KIF26B: variants seen among roughly 807,000 people sequenced by gnomAD.
The protein encoded by KIF26B is kinesin family member 26B, also known as kinesin-like protein KIF26B.
In KIF26B, 63 loss-of-function variants were observed where a neutral mutation model predicts 151.2. The ratio of observed to expected loss-of-function variants is 0.42; its 90% CI spans 0.34 to 0.51. The LOEUF (loss-of-function observed/expected upper bound fraction) is 0.51. Ranked by LOEUF, KIF26B falls within the 20% of genes least tolerant of loss-of-function variation. The probability of loss-of-function intolerance (pLI) is 0.07; values close to 1 mark genes in which losing one functional copy is unlikely to be tolerated. For synonymous variants in KIF26B, 1,357 were observed against 1,262.1 expected (o/e 1.08, Z -1.59); for missense variants, 2,813 against 2,913.6 (o/e 0.97, Z 0.79).
Position 245,686,757 on chromosome 1 carries a change from C to A in KIF26B, c.3774C>A (p.Pro1258=). ...VSEVSITQFL[P]LPKMSLDEKA... ...AGGTCAGCATCACACAGTTCTTGCCCCTCCCGAAGATGAGCCTGGATGAGA... is the reference window on the plus strand; with the variant it reads ...AGGTCAGCATCACACAGTTCTTGCCACTCCCGAAGATGAGCCTGGATGAGA... Residue 1258 remains proline (P), a synonymous_variant, in exon 12 of 15, where the codon CCC becomes CCA. Coordinates refer to ENST00000407071, the MANE Select transcript of KIF26B (RefSeq NM_018012.4). The surrounding 1 kb of genome is among the most constrained non-coding windows in gnomAD (Gnocchi z 5.6). 1 of 1,613,596 alleles carries A rather than the reference C, an allele frequency of 6.2e-7. No individual in the cohort carries two copies. Among genetic ancestry groups the A allele is most frequent in the Non-Finnish European group, 8.5e-7 (1 of 1,179,832 alleles).
intron 2 of KIF26B, among the ~76,000 whole-genome samples, chr1:245,189,673 G>A (rs183265985): frequency 2.6e-5 from 4 of 152,146 alleles, no homozygotes; most frequent in Admixed American, 6.5e-5. Flanking sequence ...AGAACCTTGC[G>A]CCTTCTCTGT....
chr1:245,211,819 T>C (rs975410059), intron 2 of KIF26B, among the ~76,000 whole-genome samples: 23 of 152,240 alleles, frequency 1.5e-4, no homozygotes, highest in Non-Finnish European at 3.1e-4. Flanking sequence ...AGTTCTGTCT[T>C]GGGAGCACTT....
intron 2 of KIF26B, among the ~76,000 whole-genome samples, chr1:245,179,510 G>C (rs1374714960): frequency 6.6e-6 from 1 of 152,164 alleles, no homozygotes; most frequent in Non-Finnish European, 1.5e-5. Flanking sequence ...TGTAGTCCCA[G>C]CTACTCGGGA....
chr1:245,513,422 A>T (rs1053283156), intron 4 of KIF26B, among the ~76,000 whole-genome samples: 1 of 152,216 alleles, frequency 6.6e-6, no homozygotes, highest in Non-Finnish European at 1.5e-5. Context: ...AGAGACAGCG[A>T]GAGAGACAGG....
At position 245,409,274 on chromosome 1, in the gene KIF26B, A is replaced by G. The variant is rs73132055; in HGVS notation, c.1000-10305A>G. ...CACACATGTTGGAACTAAGAAATCT[A>G]AGGGAGGAACCCCAGATAGAGATGC... is the stretch of plus-strand genomic sequence containing the variant. On this transcript the variant is annotated intron_variant, in intron 3 of 14. Coordinates refer to ENST00000407071, the MANE Select transcript of KIF26B (RefSeq NM_018012.4). Among the ~76,000 whole-genome samples the G allele has an allele frequency of 6.7e-3, 1,015 of 152,322 alleles. 9 individuals carry two copies. Among genetic ancestry groups the G allele is most frequent in the African/African-American group, 0.023 (957 of 41,566 alleles).
rs115680722 is a variant in KIF26B at position 245,522,739 on chromosome 1, C to T, written c.1167-18028C>T. 3.2e-3 allele frequency among the ~76,000 whole-genome samples: 484 copies of T among 152,284 alleles called. 5 individuals carry two copies. Among genetic ancestry groups the T allele is most frequent in the African/African-American group, 0.011 (445 of 41,550 alleles). On this transcript the variant is annotated intron_variant, in intron 4 of 14. Transcript: ENST00000407071. Reference sequence around the variant, plus strand: ...AAACTTATATTCAGGATGTCCAGGACCTGAAACTGACATGGGAGTCAATAT... The same window carrying T: ...AAACTTATATTCAGGATGTCCAGGATCTGAAACTGACATGGGAGTCAATAT...
chr1:245,458,860 T>C (rs1659591928), intron 4 of KIF26B, among the ~76,000 whole-genome samples: 1 of 152,230 alleles, frequency 6.6e-6, no homozygotes, highest in Admixed American at 6.5e-5. Flanking sequence ...TCATCAAATA[T>C]GACGTGAGCC....
intron 3 of KIF26B, among the ~76,000 whole-genome samples, chr1:245,370,018 T>C (rs796155868): frequency 5.9e-5 from 9 of 152,330 alleles, no homozygotes; most frequent in African/African-American, 2.2e-4. Flanking sequence ...TTTTAAAATA[T>C]ACCATTTAGA....
At chr1:245,658,065 T>G (rs1210970551) in intron 10 of KIF26B, among the ~76,000 whole-genome samples, 1 of 152,216 alleles carries the variant, frequency 6.6e-6, no homozygotes, top group Non-Finnish European at 1.5e-5. Context: ...TTTTACCACC[T>G]AAGTATGTGT....
chr1:245,208,759 A>G (rs895736620), intron 2 of KIF26B, among the ~76,000 whole-genome samples: 4 of 152,090 alleles, frequency 2.6e-5, no homozygotes, highest in South Asian at 2.1e-4. Context: ...CCAGGAGGGG[A>G]TATAGGCCAC....
intron 3 of KIF26B, among the ~76,000 whole-genome samples, chr1:245,395,481 TA>T (rs747148236): frequency 7.1e-4 from 108 of 152,210 alleles, no homozygotes; most frequent in Non-Finnish European, 4.6e-4. Context: ...AGGTGCCACG[TA>T]GACCTTCTCA....
At chr1:245,404,164 G>A (rs1385920734) in intron 3 of KIF26B, among the ~76,000 whole-genome samples, 5 of 151,952 alleles carry the variant, frequency 3.3e-5, no homozygotes, top group African/African-American at 9.7e-5. Context: ...TCTCTCAAAA[G>A]GTTGTTAAGA....
chr1:245,540,715 C>A lies in KIF26B; in HGVS notation c.1167-52C>A. 2 of 1,494,234 alleles carry A rather than the reference C, an allele frequency of 1.3e-6. No homozygotes were observed. The highest frequency in any genetic ancestry group is 1.9e-6 in the Non-Finnish European group (2 of 1,070,722). The allele number at this position is 1,494,234 out of a possible 1,614,324, so 92.6% of individuals were successfully genotyped here. ...TTAAGAGAAAACGAAGTAAGCCTAG[C>A]AGATCTGATCGTACAATCATTTTCC... is the stretch of plus-strand genomic sequence containing the variant. On this transcript the variant is annotated intron_variant, in intron 4 of 14. Transcript: ENST00000407071. This position sits in a 1 kb window ranked among gnomAD's most constrained non-coding sequence, Gnocchi z 4.6.
chr1:245,591,029 C>T (rs894398651), intron 5 of KIF26B, among the ~76,000 whole-genome samples: 9 of 151,840 alleles, frequency 5.9e-5, no homozygotes, highest in East Asian at 1.9e-4. Flanking sequence ...CTAGGTCAAA[C>T]GTGGTTAAAG....
rs1262652628 is a variant in KIF26B at position 245,516,083 on chromosome 1, C to T, written c.1167-24684C>T. On this transcript the variant is annotated intron_variant, in intron 4 of 14. Coordinates refer to ENST00000407071, the MANE Select transcript of KIF26B (RefSeq NM_018012.4). The surrounding 1 kb of genome is among the most constrained non-coding windows in gnomAD (Gnocchi z 4.2). ...AGTATTTGGATTCTATTCTGCTTCT[C>T]CCCTGAGTTTGTTTTCACGGTGGGA... is the stretch of plus-strand genomic sequence containing the variant. 6.6e-6 allele frequency among the ~76,000 whole-genome samples: 1 copy of T among 152,092 alleles called. No homozygotes were observed. Among genetic ancestry groups the T allele is most frequent in the South Asian group, 2.1e-4 (1 of 4,798 alleles).
chr1:245,589,888 G>A (rs1470858562), intron 5 of KIF26B, among the ~76,000 whole-genome samples: 1 of 152,236 alleles, frequency 6.6e-6, no homozygotes, highest in Non-Finnish European at 1.5e-5. Flanking sequence ...ATGTTAGCAA[G>A]CTCAAGTTTT....
intron 9 of KIF26B, among the ~76,000 whole-genome samples, chr1:245,618,404 C>T (rs2043617123): frequency 6.6e-6 from 1 of 150,662 alleles, no homozygotes; most frequent in African/African-American, 2.5e-5. Context: ...CGTCCTGGGG[C>T]TATGTCCGCA....
chr1:245,400,122 A>G (rs79872269), intron 3 of KIF26B, among the ~76,000 whole-genome samples: 5,172 of 152,232 alleles, frequency 0.034, 297 homozygotes, highest in African/African-American at 0.12. Flanking sequence ...AAAAAATTAA[A>G]TGGAAGGAAA....
At chr1:245,412,373 T>A (rs1405457078) in intron 3 of KIF26B, among the ~76,000 whole-genome samples, 3 of 152,204 alleles carry the variant, frequency 2.0e-5, no homozygotes, top group African/African-American at 7.2e-5. Context: ...AATTAAAGAC[T>A]GAGTAGGAAG....
Sources: allele counts gnomAD v4.1 joint callset (sites outside exome capture counted in the v4.1 genomes callset), GRCh38; gene constraint gnomAD v4.1.1; non-coding constraint Gnocchi (gnomAD v3.1); transcripts MANE v1.5; gene names NCBI Gene and HGNC (gene_info 2026-07-23, HGNC 2026-07-21).